NTNG1: variants seen among roughly 807,000 people sequenced by gnomAD.
NTNG1 encodes netrin-G1.
In NTNG1, 16 loss-of-function variants were observed where a neutral mutation model predicts 54.0. That is an observed-to-expected ratio of 0.30 (90% confidence interval 0.20 to 0.45). NTNG1 has a LOEUF of 0.45. NTNG1 is among the 20% of genes least tolerant of loss of function. NTNG1 has a pLI of 1.00. For missense variants in NTNG1, 530 were observed against 678.7 expected, an observed-to-expected ratio of 0.78 and a Z score of 2.43; for synonymous variants, 255 against 263.1, an observed-to-expected ratio of 0.97 and a Z score of 0.30.
At chr1:107,437,525 A>G (rs1165949708) in intron 7 of NTNG1, among the ~76,000 whole-genome samples, 1 of 152,150 alleles carries the variant, frequency 6.6e-6, no homozygotes, top group Admixed American at 6.5e-5. Context: ...TGAATTCCGA[A>G]CTAACTTTCC....
At chr1:107,407,194 C>T (rs905965833) in intron 4 of NTNG1, among the ~76,000 whole-genome samples, 1 of 152,092 alleles carries the variant, frequency 6.6e-6, no homozygotes, top group African/African-American at 2.4e-5. Flanking sequence ...TAAAATGCCA[C>T]GTGATTTTCA....
intron 3 of NTNG1, among the ~76,000 whole-genome samples, chr1:107,365,366 A>G (rs1035854955): frequency 6.6e-5 from 10 of 152,212 alleles, no homozygotes; most frequent in African/African-American, 1.9e-4. Context: ...AGGGTCACCA[A>G]TGTGGTGAAT....
intron 5 of NTNG1, among the ~76,000 whole-genome samples, chr1:107,420,142 T>C (rs1674484401): frequency 6.6e-6 from 1 of 152,032 alleles, no homozygotes. Flanking sequence ...TGAACAAGAT[T>C]ATGCATTGTT....
intron 2 of NTNG1, among the ~76,000 whole-genome samples, chr1:107,194,380 A>C (rs1048752571): frequency 1.3e-5 from 2 of 152,042 alleles, no homozygotes; most frequent in African/African-American, 4.8e-5. Flanking sequence ...ATCTTAAATC[A>C]ATACGTCCTT....
chr1:107,161,451 A>G (rs1655388169), intron 2 of NTNG1, among the ~76,000 whole-genome samples: 1 of 152,142 alleles, frequency 6.6e-6, no homozygotes, highest in Non-Finnish European at 1.5e-5. Context: ...ACTTGAGGTC[A>G]GGAGTTTGAG....
intron 3 of NTNG1, among the ~76,000 whole-genome samples, chr1:107,356,602 G>T (rs1669951134): frequency 6.6e-6 from 1 of 152,060 alleles, no homozygotes; most frequent in African/African-American, 2.4e-5. Flanking sequence ...CAGTCCTGTT[G>T]AATGAATTAA....
At chr1:107,247,061 A>G (rs2101602867) in intron 2 of NTNG1, among the ~76,000 whole-genome samples, 1 of 152,330 alleles carries the variant, frequency 6.6e-6, no homozygotes, top group Admixed American at 6.5e-5. Flanking sequence ...TCACTAAAGT[A>G]CATTTGAGGA....
Position 107,297,226 on chromosome 1 carries a change from T to TACCATC in NTNG1, c.247-27055_247-27054insCCATCA, listed in dbSNP as rs1438455268. 4.8e-4 allele frequency among the ~76,000 whole-genome samples: 17 copies of TACCATC among 35,566 alleles called. 1 individual carries two copies. The highest frequency in any genetic ancestry group is 1.1e-3 in the African/African-American group (13 of 11,882). 23.3% of individuals were successfully genotyped at this position (35,566 alleles called of 152,430 possible). A position where few individuals can be genotyped will look rare whatever the true frequency, so the allele number is the denominator to read the frequency against. On this transcript the variant is annotated intron_variant, in intron 2 of 7. Transcript: ENST00000370068. ...ATATATATATACCATCATATATATATATATATATATATATATATATGCGCA... is the reference window on the plus strand; with the variant it reads ...ATATATATATACCATCATATATATATACCATCATATATATATATATATATATGCGCA...
At chr1:107,147,745 C>T (rs1654234773) in intron 1 of NTNG1, among the ~76,000 whole-genome samples, 1 of 152,148 alleles carries the variant, frequency 6.6e-6, no homozygotes. Context: ...TTTTCTAGCA[C>T]TGCAATGTAT....
At chr1:107,154,616 A>C (rs923257217) in intron 2 of NTNG1, among the ~76,000 whole-genome samples, 2 of 150,010 alleles carry the variant, frequency 1.3e-5, no homozygotes, top group South Asian at 2.1e-4. Flanking sequence ...AAAAAAAAAA[A>C]AAAAAAAACT....
At position 107,445,872 on chromosome 1, in the gene NTNG1, G is replaced by T. The variant is rs151276309; in HGVS notation, c.1390+9073G>T. 2.4e-3 allele frequency among the ~76,000 whole-genome samples: 365 copies of T among 152,162 alleles called. 3 individuals carry two copies. The highest frequency in any genetic ancestry group is 8.9e-3 in the East Asian group (46 of 5,172). On this transcript the variant is annotated intron_variant, in intron 7 of 7. Coordinates refer to ENST00000370068, the MANE Select transcript of NTNG1 (RefSeq NM_001113226.3). Reference sequence around the variant, plus strand: ...ATGGATGCTGAAATTTGAATTTCATGTAATTTTCATGTGCCAAGAAATATT... The same window carrying T: ...ATGGATGCTGAAATTTGAATTTCATTTAATTTTCATGTGCCAAGAAATATT...
At chr1:107,329,276 C>T (rs1299199316) in intron 3 of NTNG1, among the ~76,000 whole-genome samples, 1 of 152,204 alleles carries the variant, frequency 6.6e-6, no homozygotes, top group African/African-American at 2.4e-5. Flanking sequence ...TGCAAAGGGC[C>T]AGGACCAGAG....
At chr1:107,250,998 A>C (rs1662568019) in intron 2 of NTNG1, among the ~76,000 whole-genome samples, 2 of 152,180 alleles carry the variant, frequency 1.3e-5, no homozygotes, top group Admixed American at 1.3e-4. Flanking sequence ...TATTCTTTAT[A>C]TCTTGTTATT....
intron 2 of NTNG1, among the ~76,000 whole-genome samples, chr1:107,262,260 C>T (rs1049921305): frequency 3.9e-5 from 6 of 152,136 alleles, no homozygotes; most frequent in Non-Finnish European, 7.3e-5. Context: ...GACAGGGACA[C>T]ATGAGTGGAG....
At chr1:107,367,763 T>G (rs1240349677) in intron 3 of NTNG1, among the ~76,000 whole-genome samples, 1 of 152,098 alleles carries the variant, frequency 6.6e-6, no homozygotes, top group Admixed American at 6.5e-5. Flanking sequence ...TTTTGTTTTT[T>G]GGGGGTATTT....
At chr1:107,285,981 T>C (rs756721074) in intron 2 of NTNG1, among the ~76,000 whole-genome samples, 1 of 152,184 alleles carries the variant, frequency 6.6e-6, no homozygotes, top group African/African-American at 2.4e-5. Flanking sequence ...TCAGTCTTTC[T>C]TTCTAAAAGA....
chr1:107,391,893 A>G (rs1672388731), intron 3 of NTNG1, among the ~76,000 whole-genome samples: 1 of 152,154 alleles, frequency 6.6e-6, no homozygotes, highest in South Asian at 2.1e-4. Context: ...TGGAGGGGAC[A>G]AAATATCCAA....
intron 2 of NTNG1, among the ~76,000 whole-genome samples, chr1:107,282,329 G>C (rs1437154914): frequency 2.0e-5 from 3 of 152,074 alleles, no homozygotes; most frequent in Non-Finnish European, 2.9e-5. Flanking sequence ...GAGACTTCAT[G>C]CTAGCTGATT....
chr1:107,333,834 T>C (rs1019779648), intron 3 of NTNG1: 16 of 151,882 alleles, frequency 1.1e-4, no homozygotes, highest in South Asian at 2.1e-4. Context: ...TTTTTTTTTT[T>C]TTAACTGTCG....
Sources: gnomAD v4.1 joint callset for allele counts (sites outside exome capture counted in the v4.1 genomes callset) on GRCh38, gnomAD v4.1.1 for gene constraint, MANE v1.5 for transcripts, NCBI Gene and HGNC (gene_info 2026-07-23, HGNC 2026-07-21) for gene names.